The following ADGRL3 variants were observed in gnomAD, a reference collection of about 807,000 sequenced individuals.
ADGRL3 encodes the protein adhesion G protein-coupled receptor L3.
In ADGRL3, 62 loss-of-function variants were observed where a neutral mutation model predicts 153.5. The ratio of observed to expected loss-of-function variants is 0.40; its 90% CI spans 0.33 to 0.50. The LOEUF (loss-of-function observed/expected upper bound fraction) is 0.50, where lower values mean the gene tolerates loss of function less well. Ranked by LOEUF, ADGRL3 falls within the 20% of genes least tolerant of loss-of-function variation. The pLI, the probability that ADGRL3 is intolerant of heterozygous loss-of-function variation, is 0.47. For missense variants in ADGRL3, 1,641 were observed against 1,859.4 expected, an observed-to-expected ratio of 0.88 and a Z score of 2.16; for synonymous variants, 710 against 672.5, an observed-to-expected ratio of 1.06 and a Z score of -0.86.
intron 6 of ADGRL3, among the ~76,000 whole-genome samples, chr4:61,699,979 C>CAG (rs899903823): frequency 1.4e-4 from 20 of 145,938 alleles, no homozygotes; most frequent in African/African-American, 4.0e-4. Context: ...AAAACACACA[C>CAG]AGAGAGAGAG....
intron 4 of ADGRL3, among the ~76,000 whole-genome samples, chr4:61,540,951 G>C (rs925481994): frequency 1.4e-5 from 2 of 148,010 alleles, no homozygotes; most frequent in Non-Finnish European, 3.0e-5. Context: ...TTCCCCAAAA[G>C]AAAAAAAAAA....
chr4:61,577,336 T>G (rs1471394895), intron 4 of ADGRL3, among the ~76,000 whole-genome samples: 1 of 152,020 alleles, frequency 6.6e-6, no homozygotes, highest in East Asian at 1.9e-4. Flanking sequence ...CCTTCAAAAT[T>G]AAAATTTTGT....
chr4:61,578,367 G>T (rs538365960), intron 4 of ADGRL3, among the ~76,000 whole-genome samples: 2 of 152,130 alleles, frequency 1.3e-5, no homozygotes, highest in East Asian at 3.9e-4. Context: ...AAAAACACTT[G>T]ATAAATTTTA....
chr4:61,609,747 A>T (rs1325536563), intron 5 of ADGRL3, among the ~76,000 whole-genome samples: 1 of 152,054 alleles, frequency 6.6e-6, no homozygotes, highest in Non-Finnish European at 1.5e-5. Context: ...TCAAATGTGT[A>T]GCATTGTGAT....
At chr4:61,479,282 G>A (rs886438769) in intron 2 of ADGRL3, among the ~76,000 whole-genome samples, 38 of 151,922 alleles carry the variant, frequency 2.5e-4, no homozygotes, top group African/African-American at 8.7e-4. Context: ...AATTTAAAAA[G>A]GAGCTTATAA....
In ADGRL3 at chr4:61,590,984, C is replaced by T. The variant is rs60292807; in HGVS notation, c.473+3544C>T. Among the ~76,000 whole-genome samples, 119 of 152,206 alleles carry T rather than the reference C, an allele frequency of 7.8e-4. 3 individuals are homozygous for T. The highest frequency in any genetic ancestry group is 2.8e-3 in the African/African-American group (116 of 41,564). ...CCTACAGAAAATTCCGTATATCATA[C>T]GTGTACACCTCAATGAATTTTCACA... On this transcript the variant is annotated intron_variant, in intron 5 of 26. Transcript: ENST00000683033.
At chr4:61,641,066 T>C (rs1354226171) in intron 5 of ADGRL3, among the ~76,000 whole-genome samples, 2 of 152,120 alleles carry the variant, frequency 1.3e-5, no homozygotes, top group Non-Finnish European at 2.9e-5. Flanking sequence ...GCTGTGGTCA[T>C]TAAAGGATAG....
intron 19 of ADGRL3, among the ~76,000 whole-genome samples, chr4:61,994,473 C>T (rs2099114934): frequency 6.6e-6 from 1 of 151,330 alleles, no homozygotes; most frequent in Non-Finnish European, 1.5e-5. Flanking sequence ...TTAAAATGGG[C>T]TTTTTGTAGG....
chr4:61,488,056 A>G (rs954116262), intron 2 of ADGRL3, among the ~76,000 whole-genome samples: 3 of 152,096 alleles, frequency 2.0e-5, no homozygotes, highest in Admixed American at 2.0e-4. Flanking sequence ...GCACTTCACA[A>G]GAAAGTGATC....
intron 2 of ADGRL3, among the ~76,000 whole-genome samples, chr4:61,472,996 A>G (rs1030581678): frequency 6.6e-6 from 1 of 152,166 alleles, no homozygotes; most frequent in Admixed American, 6.6e-5. Context: ...CAGTGCTACA[A>G]ATAAATTAAG....
chr4:62,047,185 T>A (rs1195173125), intron 25 of ADGRL3, among the ~76,000 whole-genome samples: 1 of 152,018 alleles, frequency 6.6e-6, no homozygotes, highest in South Asian at 2.1e-4. Flanking sequence ...CATTTTCCTT[T>A]CTTGGTAAGT....
At chr4:61,338,177 G>A (rs1162515367) in intron 1 of ADGRL3, among the ~76,000 whole-genome samples, 1 of 151,688 alleles carries the variant, frequency 6.6e-6, no homozygotes, top group Non-Finnish European at 1.5e-5. Context: ...AGGCTGAGGC[G>A]AGAGGATCGC....
At chr4:61,354,413 A>C (rs1216526329) in intron 1 of ADGRL3, among the ~76,000 whole-genome samples, 1 of 152,236 alleles carries the variant, frequency 6.6e-6, no homozygotes, top group Non-Finnish European at 1.5e-5. Flanking sequence ...AAATATGTTA[A>C]GGCAATACAA....
intron 2 of ADGRL3, among the ~76,000 whole-genome samples, chr4:61,470,087 C>T (rs73822605): frequency 0.011 from 1,709 of 151,942 alleles, 35 homozygotes; most frequent in African/African-American, 0.038. Flanking sequence ...AAATTATCCA[C>T]GTATTATAAA....
chr4:61,215,192 C>T (rs1014734728), intron 1 of ADGRL3, among the ~76,000 whole-genome samples: 2 of 152,162 alleles, frequency 1.3e-5, no homozygotes, highest in South Asian at 2.1e-4. Flanking sequence ...GAAACATATT[C>T]TACTTTCAGT....
intron 4 of ADGRL3, among the ~76,000 whole-genome samples, chr4:61,523,908 G>A (rs2098545261): frequency 6.6e-6 from 1 of 152,122 alleles, no homozygotes; most frequent in African/African-American, 2.4e-5. Context: ...TTCACAAAGA[G>A]TATGAATAAC....
chr4:61,500,665 G>C (rs761818895), intron 3 of ADGRL3, among the ~76,000 whole-genome samples: 3 of 152,130 alleles, frequency 2.0e-5, no homozygotes, highest in Non-Finnish European at 4.4e-5. Flanking sequence ...ATTCTTCTGG[G>C]TAATGATCTG....
intron 2 of ADGRL3, among the ~76,000 whole-genome samples, chr4:61,432,386 A>T (rs1162555558): frequency 1.3e-5 from 2 of 152,130 alleles, no homozygotes; most frequent in African/African-American, 4.8e-5. Context: ...AAGACAAGAG[A>T]AGCCTGATAA....
chr4:61,518,993 A>C (rs1341198372), intron 4 of ADGRL3, among the ~76,000 whole-genome samples: 1 of 152,214 alleles, frequency 6.6e-6, no homozygotes, highest in Non-Finnish European at 1.5e-5. Flanking sequence ...GTAAAACAAT[A>C]ATATATAATG....
Sources: allele counts gnomAD v4.1 joint callset (sites outside exome capture counted in the v4.1 genomes callset), GRCh38; gene constraint gnomAD v4.1.1; transcripts MANE v1.5; gene names NCBI Gene and HGNC (gene_info 2026-07-23, HGNC 2026-07-21).